Variants in AFG1L observed in about 807,000 individuals in gnomAD.
AFG1L encodes AFG1-like ATPase.
In AFG1L, 53 loss-of-function variants were observed where a neutral mutation model predicts 62.2. The ratio of observed to expected loss-of-function variants is 0.85; its 90% CI spans 0.68 to 1.07. AFG1L has a LOEUF of 1.07. Among genes scored for constraint, AFG1L ranks in the 50% least tolerant of loss-of-function variants. AFG1L has a pLI of 0.00. For synonymous variants in AFG1L, 228 were observed against 210.3 expected (o/e 1.08, Z -0.73); for missense variants, 555 against 590.5 (o/e 0.94, Z 0.62).
chr6:108,341,276 C>T (rs1347740261), intron 2 of AFG1L, among the ~76,000 whole-genome samples: 1 of 152,064 alleles, frequency 6.6e-6, no homozygotes, highest in Non-Finnish European at 1.5e-5. Flanking sequence ...TGAAATTATG[C>T]TGCTAGTTCT....
intron 1 of AFG1L, among the ~76,000 whole-genome samples, chr6:108,316,324 TG>T (rs1484936603): frequency 5.5e-5 from 6 of 110,012 alleles, no homozygotes. Context: ...GAGCTTGCAG[TG>T]AGCCGAGATC....
chr6:108,319,989 C>G (rs954479266), intron 1 of AFG1L, among the ~76,000 whole-genome samples: 1 of 151,930 alleles, frequency 6.6e-6, no homozygotes, highest in Admixed American at 6.6e-5. Context: ...TTTGTGCCCC[C>G]CTTTCCACTT....
intron 7 of AFG1L, among the ~76,000 whole-genome samples, chr6:108,445,633 TGAGAGAGAGAGAGAGAGAGAGAGAGAGA>T (rs59323063): frequency 2.3e-5 from 3 of 130,088 alleles, no homozygotes; most frequent in East Asian, 2.6e-4. Context: ...ACACCTAAGG[TGAGAGAGAGAGAGAGAGAGAGAGAGAGA>T]GAGAGAGAGA....
chr6:108,434,131 G>A (rs992733735), intron 7 of AFG1L, among the ~76,000 whole-genome samples: 1 of 152,136 alleles, frequency 6.6e-6, no homozygotes, highest in African/African-American at 2.4e-5. Context: ...TATGAATGTG[G>A]TTCTGACACA....
intron 2 of AFG1L, among the ~76,000 whole-genome samples, chr6:108,335,548 A>G (rs1778445349): frequency 6.6e-6 from 1 of 152,252 alleles, no homozygotes; most frequent in Non-Finnish European, 1.5e-5. Context: ...CTGGAAGGCC[A>G]GTTTAATTTC....
At chr6:108,340,259 C>T (rs1449643585) in intron 2 of AFG1L, among the ~76,000 whole-genome samples, 2 of 151,002 alleles carry the variant, frequency 1.3e-5, no homozygotes, top group African/African-American at 2.4e-5. Flanking sequence ...CTGAATAGGA[C>T]TCTTGTGTAT....
At chr6:108,316,337 C>T (rs1777594906) in intron 1 of AFG1L, among the ~76,000 whole-genome samples, 1 of 123,738 alleles carries the variant, frequency 8.1e-6, no homozygotes, top group Non-Finnish European at 1.7e-5. Flanking sequence ...GCCGAGATCC[C>T]GCCACTGCAC....
At chr6:108,353,576 CTT>C (rs769451455) in intron 3 of AFG1L, among the ~76,000 whole-genome samples, 2 of 141,720 alleles carry the variant, frequency 1.4e-5, no homozygotes, top group African/African-American at 2.6e-5. Flanking sequence ...TTGTTATTTT[CTT>C]TTTTTTTTTT....
chr6:108,416,725 G>A (rs955302283), intron 7 of AFG1L, among the ~76,000 whole-genome samples: 2 of 152,084 alleles, frequency 1.3e-5, no homozygotes, highest in Admixed American at 6.6e-5. Context: ...ATTGAACAAT[G>A]CAAACACTTG....
chr6:108,485,278 T>C (rs1773494567), intron 10 of AFG1L, among the ~76,000 whole-genome samples: 1 of 152,266 alleles, frequency 6.6e-6, no homozygotes, highest in South Asian at 2.1e-4. Context: ...GGAGAAAACG[T>C]GCTTTCATTT....
At chr6:108,369,539 GA>G (rs1479474498) in intron 6 of AFG1L, among the ~76,000 whole-genome samples, 1 of 152,104 alleles carries the variant, frequency 6.6e-6, no homozygotes, top group East Asian at 1.9e-4. Flanking sequence ...AAAAAGGTGG[GA>G]GGGGGAGAAG....
intron 10 of AFG1L, among the ~76,000 whole-genome samples, chr6:108,496,430 G>A (rs1401074093): frequency 1.3e-5 from 2 of 152,188 alleles, no homozygotes; most frequent in Admixed American, 6.6e-5. Context: ...GGGACACTGA[G>A]GTGAATAGAA....
At chr6:108,445,149 T>C in intron 7 of AFG1L, among the ~76,000 whole-genome samples, 1 of 152,256 alleles carries the variant, frequency 6.6e-6, no homozygotes, top group East Asian at 1.9e-4. Context: ...GCTTATTTAT[T>C]GAAACCTCAT....
At chr6:108,448,503 T>C (rs759901352) in intron 8 of AFG1L, among the ~76,000 whole-genome samples, 3 of 152,028 alleles carry the variant, frequency 2.0e-5, no homozygotes, top group Non-Finnish European at 2.9e-5. Context: ...TTTCAAAAAG[T>C]GTATCCTCAT....
At chr6:108,466,162 G>T (rs962984603) in intron 8 of AFG1L, among the ~76,000 whole-genome samples, 6 of 152,158 alleles carry the variant, frequency 3.9e-5, no homozygotes, top group African/African-American at 1.4e-4. Flanking sequence ...CCAAGTATTG[G>T]CAAGGATGTG....
intron 3 of AFG1L, among the ~76,000 whole-genome samples, chr6:108,350,384 C>G (rs1562100704): frequency 6.6e-6 from 1 of 151,392 alleles, no homozygotes; most frequent in African/African-American, 2.4e-5. Context: ...GAATACCTAC[C>G]TGGTAGCACT....
chr6:108,489,884 A>G (rs1468917117), intron 10 of AFG1L, among the ~76,000 whole-genome samples: 2 of 152,240 alleles, frequency 1.3e-5, no homozygotes, highest in East Asian at 3.8e-4. Context: ...AAAGGAGTCA[A>G]TGACATCATC....
intron 2 of AFG1L, among the ~76,000 whole-genome samples, chr6:108,328,524 A>G (rs1283250239): frequency 6.6e-6 from 1 of 151,646 alleles, no homozygotes; most frequent in African/African-American, 2.4e-5. Context: ...CCTCCCCAGT[A>G]ACTGGGACTA....
At chr6:108,364,864 CCAAAAA>C (rs1562110512) in intron 5 of AFG1L, among the ~76,000 whole-genome samples, 4 of 84,340 alleles carry the variant, frequency 4.7e-5, no homozygotes, top group South Asian at 3.6e-4. Flanking sequence ...CCTGAGACAG[CCAAAAA>C]AAAAAAAAAA....
Sources: gnomAD v4.1 joint callset for allele counts (sites outside exome capture counted in the v4.1 genomes callset) on GRCh38, gnomAD v4.1.1 for gene constraint, MANE v1.5 for transcripts, NCBI Gene and HGNC (gene_info 2026-07-23, HGNC 2026-07-21) for gene names.